SUPT3H: variants seen among roughly 807,000 people sequenced by gnomAD.
SUPT3H encodes SPT3 homolog, SAGA and STAGA complex component.
A neutral mutation model predicts 44.3 loss-of-function variants in SUPT3H; 44 were observed. The observed-to-expected ratio is 0.99, with a 90% CI of 0.78 to 1.28. SUPT3H has a LOEUF of 1.28. Ranked by LOEUF, SUPT3H falls within the 50% of genes most tolerant of loss-of-function variation. The probability of loss-of-function intolerance (pLI) is 0.00; values close to 1 mark genes in which losing one functional copy is unlikely to be tolerated. For synonymous variants in SUPT3H, 124 were observed against 125.6 expected, an observed-to-expected ratio of 0.99 and a Z score of 0.09; for missense variants, 380 against 387.1, an observed-to-expected ratio of 0.98 and a Z score of 0.15.
chr6:45,327,814 A>G (rs2150062400), intron 2 of SUPT3H, among the ~76,000 whole-genome samples: 1 of 152,022 alleles, frequency 6.6e-6, no homozygotes, highest in Non-Finnish European at 1.5e-5. Flanking sequence ...CCAGCCACCC[A>G]GCAAATATGA....
At chr6:44,889,253 T>C (rs1187720901) in intron 10 of SUPT3H, among the ~76,000 whole-genome samples, 2 of 152,098 alleles carry the variant, frequency 1.3e-5, no homozygotes, top group Non-Finnish European at 2.9e-5. Flanking sequence ...CTTCACAGAA[T>C]TGGAAAACAC....
intron 10 of SUPT3H, among the ~76,000 whole-genome samples, chr6:44,858,855 T>C (rs770568462): frequency 5.9e-5 from 9 of 152,198 alleles, no homozygotes; most frequent in Non-Finnish European, 1.0e-4. Context: ...ATTTTGCCTG[T>C]GTAGACAAAG....
At chr6:44,895,863 G>A (rs1227197849) in intron 10 of SUPT3H, among the ~76,000 whole-genome samples, 1 of 151,942 alleles carries the variant, frequency 6.6e-6, no homozygotes, top group East Asian at 1.9e-4. Flanking sequence ...AGTAAGAAAC[G>A]TGTAGACATA....
intron 2 of SUPT3H, among the ~76,000 whole-genome samples, chr6:45,268,697 T>A (rs1489070696): frequency 6.6e-6 from 1 of 152,074 alleles, no homozygotes; most frequent in African/African-American, 2.4e-5. Context: ...AAGAAGAATG[T>A]GTACACATAG....
intron 3 of SUPT3H, among the ~76,000 whole-genome samples, chr6:45,057,648 T>C (rs1390917598): frequency 1.3e-5 from 2 of 152,164 alleles, no homozygotes; most frequent in Non-Finnish European, 2.9e-5. Context: ...TCAGTAGTCA[T>C]GTGTCTCATT....
intron 3 of SUPT3H, among the ~76,000 whole-genome samples, chr6:45,049,880 A>G (rs1790000831): frequency 6.6e-6 from 1 of 152,212 alleles, no homozygotes; most frequent in African/African-American, 2.4e-5. Flanking sequence ...ACATAATAAT[A>G]TGGAAAAATT....
At chr6:45,223,564 A>C (rs1766415654) in intron 2 of SUPT3H, among the ~76,000 whole-genome samples, 1 of 151,902 alleles carries the variant, frequency 6.6e-6, no homozygotes. Context: ...TACCCTACAA[A>C]GCCCCTAAAT....
At position 44,918,606 on chromosome 6, in the gene SUPT3H, G is replaced by T. The variant is rs1191775898; in HGVS notation, c.912+14047C>A. Reference sequence around the variant, plus strand: ...CATCTTGGAGTAATTTAACCAATAAGATGATTTAGAGGACAGTTCAGTGGC... The same window carrying T: ...CATCTTGGAGTAATTTAACCAATAATATGATTTAGAGGACAGTTCAGTGGC... On this transcript the variant is annotated intron_variant, in intron 10 of 10. Transcript: ENST00000371459. Among the ~76,000 whole-genome samples the T allele has an allele frequency of 2.0e-5, 3 of 152,122 alleles. No homozygotes were observed. In the East Asian group the frequency reaches 5.8e-4, roughly 29 times the overall value.
chr6:45,055,943 T>C (rs187644832), intron 3 of SUPT3H, among the ~76,000 whole-genome samples: 64 of 151,888 alleles, frequency 4.2e-4, no homozygotes, highest in Non-Finnish European at 7.8e-4. Context: ...AGGACTAATA[T>C]CCAGAATCTA....
At chr6:45,230,950 C>T (rs1386728559) in intron 2 of SUPT3H, among the ~76,000 whole-genome samples, 2 of 151,902 alleles carry the variant, frequency 1.3e-5, no homozygotes, top group African/African-American at 4.8e-5. Context: ...GGATTACAGG[C>T]GTGAGCCACT....
At chr6:45,030,708 A>AT (rs1360353461) in intron 3 of SUPT3H, among the ~76,000 whole-genome samples, 1 of 152,204 alleles carries the variant, frequency 6.6e-6, no homozygotes, top group Admixed American at 6.6e-5. Flanking sequence ...CTTTAGAATA[A>AT]TTATGGGGAG....
At chr6:45,281,107 A>C (rs1176472418) in intron 2 of SUPT3H, among the ~76,000 whole-genome samples, 2 of 152,174 alleles carry the variant, frequency 1.3e-5, no homozygotes, top group Non-Finnish European at 2.9e-5. Flanking sequence ...AAAATTTATG[A>C]GGGGTGGAGA....
chr6:44,900,200 A>G (rs1376701247), intron 10 of SUPT3H, among the ~76,000 whole-genome samples: 2 of 152,218 alleles, frequency 1.3e-5, no homozygotes, highest in Non-Finnish European at 2.9e-5. Flanking sequence ...CAGCGCACCG[A>G]GCGTGAGCTG....
At chr6:45,205,562 C>T (rs1442133150) in intron 2 of SUPT3H, among the ~76,000 whole-genome samples, 2 of 151,992 alleles carry the variant, frequency 1.3e-5, no homozygotes, top group Non-Finnish European at 2.9e-5. Context: ...TTTGGGAGGC[C>T]GAGGATGGCG....
chr6:45,244,300 T>A (rs1382725241), intron 2 of SUPT3H, among the ~76,000 whole-genome samples: 1 of 152,142 alleles, frequency 6.6e-6, no homozygotes, highest in East Asian at 1.9e-4. Context: ...GCTCCCACAG[T>A]TCTTCTCAAA....
rs1183400060 is a variant in SUPT3H at position 45,003,650 on chromosome 6, T to C, written c.504+3A>G. 1 of 1,613,006 alleles carries C rather than the reference T, an allele frequency of 6.2e-7. No homozygotes were observed. Among genetic ancestry groups the C allele is most frequent in the Admixed American group, 1.7e-5 (1 of 59,886 alleles). On this transcript the variant is annotated splice_donor_region_variant and intron_variant, in intron 6 of 10. Coordinates refer to ENST00000371459, the MANE Select transcript of SUPT3H (RefSeq NM_003599.4). ...TCTGTAAAAAGGGAAGAATGTACTA[T>C]ACCTCCATTCTTTCTTGTTTAACTT...
intron 1 of SUPT3H, among the ~76,000 whole-genome samples, chr6:45,368,910 C>A (rs950541779): frequency 1.3e-5 from 2 of 151,786 alleles, no homozygotes; most frequent in African/African-American, 4.8e-5. Context: ...ACTGAGTTTT[C>A]GTTTTGTTGT....
intron 2 of SUPT3H, among the ~76,000 whole-genome samples, chr6:45,271,686 C>T (rs1038214209): frequency 1.0e-4 from 15 of 149,836 alleles, no homozygotes; most frequent in Admixed American, 4.6e-4. Flanking sequence ...GTACCTACTG[C>T]GGCACTCCTT....
At chr6:45,094,246 A>G (rs1238888237) in intron 3 of SUPT3H, among the ~76,000 whole-genome samples, 1 of 152,166 alleles carries the variant, frequency 6.6e-6, no homozygotes, top group Non-Finnish European at 1.5e-5. Flanking sequence ...AACTTAGCTT[A>G]AGTCAGGGGA....
Sources: allele counts gnomAD v4.1 joint callset (sites outside exome capture counted in the v4.1 genomes callset), GRCh38; gene constraint gnomAD v4.1.1; transcripts MANE v1.5; gene names NCBI Gene and HGNC (gene_info 2026-07-23, HGNC 2026-07-21).